MYT1L: variants seen among roughly 807,000 people sequenced by gnomAD.
MYT1L encodes the protein myelin transcription factor 1 like.
MYT1L carries 12 observed loss-of-function variants against 126.7 expected under a neutral mutation model. That is an observed-to-expected ratio of 0.09 (90% confidence interval 0.06 to 0.15). The LOEUF (loss-of-function observed/expected upper bound fraction) is 0.15, where lower values mean the gene tolerates loss of function less well. Ranked by LOEUF, MYT1L falls within the 10% of genes least tolerant of loss-of-function variation. The pLI is 1.00. For missense variants in MYT1L, 979 were observed against 1,585.2 expected (o/e 0.62, Z 6.49); for synonymous variants, 541 against 604.2 (o/e 0.90, Z 1.53).
chr2:2,234,919 C>T (rs2094249713), intron 2 of MYT1L, among the ~76,000 whole-genome samples: 1 of 152,214 alleles, frequency 6.6e-6, no homozygotes, highest in Non-Finnish European at 1.5e-5. Context: ...GGTCATCTTT[C>T]CAAACCCAGC....
At chr2:2,076,087 T>G (rs1040220409) in intron 3 of MYT1L, among the ~76,000 whole-genome samples, 2 of 152,188 alleles carry the variant, frequency 1.3e-5, no homozygotes, top group African/African-American at 4.8e-5. Context: ...GACAGCAAAC[T>G]GCTGGCAGCA....
chr2:2,159,557 C>T (rs2087461042), intron 3 of MYT1L, among the ~76,000 whole-genome samples: 1 of 152,040 alleles, frequency 6.6e-6, no homozygotes. Flanking sequence ...TTCAGACCAG[C>T]ACCCTCTTCA....
intron 18 of MYT1L, among the ~76,000 whole-genome samples, chr2:1,862,124 C>T (rs1456528665): frequency 6.6e-6 from 1 of 152,150 alleles, no homozygotes; most frequent in Non-Finnish European, 1.5e-5. Context: ...GGTTTATTTT[C>T]TCCTCTTTCA....
At chr2:1,959,922 C>T (rs2058822092) in intron 8 of MYT1L, among the ~76,000 whole-genome samples, 1 of 152,210 alleles carries the variant, frequency 6.6e-6, no homozygotes, top group Non-Finnish European at 1.5e-5. Context: ...AGACCTAGTG[C>T]CATCCATTGG....
chr2:1,926,624 G>A (rs933951566), intron 9 of MYT1L, among the ~76,000 whole-genome samples: 4 of 152,194 alleles, frequency 2.6e-5, no homozygotes, highest in African/African-American at 9.7e-5. Context: ...GTGCAGTGGT[G>A]CGATCTGAGC....
chr2:1,823,941 A>G (rs936590636), intron 21 of MYT1L, among the ~76,000 whole-genome samples: 1 of 152,216 alleles, frequency 6.6e-6, no homozygotes, highest in Non-Finnish European at 1.5e-5. Flanking sequence ...ATTACGTGGC[A>G]CAGTGTTGGC....
chr2:1,866,974 G>A (rs963640855), intron 18 of MYT1L, among the ~76,000 whole-genome samples: 4 of 96,380 alleles, frequency 4.2e-5, no homozygotes, highest in African/African-American at 2.0e-4. Flanking sequence ...AGAGAGGGAG[G>A]AGAGAGAGAG....
intron 10 of MYT1L, among the ~76,000 whole-genome samples, chr2:1,921,405 T>C (rs1393698133): frequency 2.0e-5 from 3 of 152,154 alleles, no homozygotes; most frequent in Admixed American, 2.0e-4. Context: ...ATCATTCAGG[T>C]TGGAGATACA....
At chr2:2,037,419 A>G (rs1295374528) in intron 4 of MYT1L, among the ~76,000 whole-genome samples, 2 of 152,158 alleles carry the variant, frequency 1.3e-5, no homozygotes, top group East Asian at 3.9e-4. Flanking sequence ...CTTGTCCAGG[A>G]AAACAAGTAA....
chr2:1,831,963 C>T (rs1302077431), intron 21 of MYT1L, among the ~76,000 whole-genome samples: 1 of 152,118 alleles, frequency 6.6e-6, no homozygotes. Flanking sequence ...CCGTTACCAG[C>T]TGCTTGGTGG....
intron 18 of MYT1L, among the ~76,000 whole-genome samples, chr2:1,851,984 C>T (rs1308103171): frequency 7.2e-5 from 11 of 152,154 alleles, no homozygotes; most frequent in Admixed American, 7.2e-4. Flanking sequence ...AACCTGTATT[C>T]CCTCCTAACA....
intron 16 of MYT1L, among the ~76,000 whole-genome samples, chr2:1,888,967 C>T (rs1468337651): frequency 6.6e-6 from 1 of 152,124 alleles, no homozygotes; most frequent in African/African-American, 2.4e-5. Context: ...GCTATTTATA[C>T]GTTTTCTTAG....
intron 23 of MYT1L, among the ~76,000 whole-genome samples, chr2:1,795,368 C>T (rs1048172320): frequency 2.0e-5 from 3 of 152,184 alleles, no homozygotes; most frequent in African/African-American, 4.8e-5. Flanking sequence ...CTGGCCAGCA[C>T]GCTGCGGCGG....
At chr2:2,171,522 T>TATGAAACACCTACAGTTCAGAA (rs1357221007) in intron 3 of MYT1L, among the ~76,000 whole-genome samples, 1 of 152,248 alleles carries the variant, frequency 6.6e-6, no homozygotes, top group Middle Eastern at 3.2e-3. Context: ...AGCTTGGATG[T>TATGAAACACCTACAGTTCAGAA]ATGAAACACC....
At chr2:2,081,567 G>T (rs936966228) in intron 3 of MYT1L, among the ~76,000 whole-genome samples, 2 of 152,080 alleles carry the variant, frequency 1.3e-5, no homozygotes, top group African/African-American at 4.8e-5. Context: ...TCACTAATTT[G>T]CCCTCTCATT....
chr2:2,249,901 C>T lies in MYT1L; in HGVS notation c.-421+34503G>A, dbSNP rs184905849. Among the ~76,000 whole-genome samples the T allele has an allele frequency of 1.4e-4, 21 of 152,098 alleles. No homozygotes were observed. In the East Asian group the frequency reaches 3.7e-3, roughly 27 times the overall value. On this transcript the variant is annotated intron_variant, in intron 2 of 24. Transcript: ENST00000647738. ...CATTTCTCAAAAGACATACAAATAT[C>T]AAACAGGCATATGAAAAGGTGTTCA...
At chr2:1,898,267 C>A (rs924049385) in intron 14 of MYT1L, among the ~76,000 whole-genome samples, 1 of 152,172 alleles carries the variant, frequency 6.6e-6, no homozygotes, top group African/African-American at 2.4e-5. Context: ...CTAGCTGGGA[C>A]CCAGTGATCT....
At chr2:2,141,989 C>A (rs868744464) in intron 3 of MYT1L, among the ~76,000 whole-genome samples, 1 of 152,194 alleles carries the variant, frequency 6.6e-6, no homozygotes. Flanking sequence ...TTCTCCCACA[C>A]GGGAAAGCTT....
chr2:2,112,013 A>G (rs1162326862), intron 3 of MYT1L, among the ~76,000 whole-genome samples: 1 of 152,230 alleles, frequency 6.6e-6, no homozygotes, highest in Non-Finnish European at 1.5e-5. Flanking sequence ...ACTTGGGACC[A>G]CTATTTTTTT....
Sources: gnomAD v4.1 joint callset for allele counts (sites outside exome capture counted in the v4.1 genomes callset) on GRCh38, gnomAD v4.1.1 for gene constraint, MANE v1.5 for transcripts, NCBI Gene and HGNC (gene_info 2026-07-23, HGNC 2026-07-21) for gene names.